Variants in RTN4RL1 observed in about 807,000 individuals in gnomAD.
The protein encoded by RTN4RL1 is reticulon 4 receptor like 1, also known as reticulon-4 receptor-like 1.
In RTN4RL1, 7 loss-of-function variants were observed where a neutral mutation model predicts 25.6. The observed-to-expected ratio is 0.27, with a 90% CI of 0.16 to 0.51. RTN4RL1 has a LOEUF of 0.51. RTN4RL1 is among the 20% of genes least tolerant of loss of function. RTN4RL1 has a pLI of 0.97. For missense variants in RTN4RL1, 500 were observed against 615.6 expected (o/e 0.81, Z 1.99); for synonymous variants, 297 against 288.2 (o/e 1.03, Z -0.31).
intron 1 of RTN4RL1, among the ~76,000 whole-genome samples, chr17:1,957,627 G>T (rs1430364598): frequency 3.3e-5 from 5 of 151,950 alleles, no homozygotes; most frequent in Middle Eastern, 6.4e-3. Context: ...GATCACCTGA[G>T]GTCAGGAGAT....
At chr17:1,972,542 T>C (rs2066825064) in intron 1 of RTN4RL1, among the ~76,000 whole-genome samples, 1 of 152,118 alleles carries the variant, frequency 6.6e-6, no homozygotes, top group African/African-American at 2.4e-5. Context: ...GCCCCTCCCC[T>C]GCAACGCCCT....
chr17:2,007,312 A>C (rs2067003867), intron 1 of RTN4RL1, among the ~76,000 whole-genome samples: 1 of 143,736 alleles, frequency 7.0e-6, no homozygotes, highest in Non-Finnish European at 1.5e-5. Context: ...GCTGCACTGC[A>C]GACCTAGGCC....
chr17:1,981,726 C>T (rs982046609), intron 1 of RTN4RL1, among the ~76,000 whole-genome samples: 2 of 152,224 alleles, frequency 1.3e-5, no homozygotes, highest in African/African-American at 4.8e-5. Context: ...CTGCTGTTCT[C>T]CCAGGAAGCT....
chr17:1,997,775 G>A (rs545663285), intron 1 of RTN4RL1, among the ~76,000 whole-genome samples: 3 of 152,340 alleles, frequency 2.0e-5, no homozygotes, highest in African/African-American at 7.2e-5. Context: ...ACTAGGACTC[G>A]GAGGTCAGGC....
At position 1,988,522 on chromosome 17, in the gene RTN4RL1, A is replaced by G. The variant is rs2066896717; in HGVS notation, c.13+36331T>C. Among the ~76,000 whole-genome samples, 5 of 85,354 alleles carry G rather than the reference A, an allele frequency of 5.9e-5. No homozygotes were observed. In the Admixed American group the frequency reaches 6.2e-4, roughly 11 times the overall value. 56.0% of individuals were successfully genotyped at this position (85,354 alleles called of 152,430 possible). On this transcript the variant is annotated intron_variant, in intron 1 of 1. Coordinates refer to ENST00000331238, the MANE Select transcript of RTN4RL1 (RefSeq NM_178568.4). Reference sequence around the variant, plus strand: ...ACTCTGTCTCAAAAAAAAAAAAAAAAGAAAAGAAAAGAAAAAGAAAGAATT... The same window carrying G: ...ACTCTGTCTCAAAAAAAAAAAAAAAGGAAAAGAAAAGAAAAAGAAAGAATT...
Position 1,961,773 on chromosome 17 carries a change from CAAAAAAAAAA to C in RTN4RL1, c.14-23975_14-23966del, listed in dbSNP as rs1163170575. The stretch of plus-strand genomic sequence containing the variant: ...TGAAACCCTGTCTCCACTAAAAATA[CAAAAAAAAAA>C]AAAAAAAAAAAAAAATTAGCAGGGC... On this transcript the variant is annotated intron_variant, in intron 1 of 1. Coordinates refer to ENST00000331238, the MANE Select transcript of RTN4RL1 (RefSeq NM_178568.4). Among the ~76,000 whole-genome samples, 15 of 55,596 alleles carry C rather than the reference CAAAAAAAAAA, an allele frequency of 2.7e-4. No individual in the cohort carries two copies. In the South Asian group the frequency reaches 3.5e-3, roughly 13 times the overall value. 36.5% of individuals were successfully genotyped at this position (55,596 alleles called of 152,430 possible). A position where few individuals can be genotyped will look rare whatever the true frequency, so the allele number is the denominator to read the frequency against.
chr17:1,939,224 G>A (rs909437812), intron 1 of RTN4RL1, among the ~76,000 whole-genome samples: 7 of 150,626 alleles, frequency 4.6e-5, no homozygotes, highest in African/African-American at 9.8e-5. Context: ...GTGGTGGCGC[G>A]CACTTGTAGT....
chr17:1,977,990 T>G (rs1452945899), intron 1 of RTN4RL1, among the ~76,000 whole-genome samples: 1 of 146,468 alleles, frequency 6.8e-6, no homozygotes, highest in Non-Finnish European at 1.5e-5. Context: ...TCCCGCATCT[T>G]GCACCCCGGA....
chr17:1,973,483 A>G (rs2066829301), intron 1 of RTN4RL1, among the ~76,000 whole-genome samples: 1 of 148,670 alleles, frequency 6.7e-6, no homozygotes, highest in African/African-American at 2.5e-5. Flanking sequence ...GCGCCATTGC[A>G]CTCCAGCGTG....
chr17:2,002,212 CTCTT>C (rs1352951731), intron 1 of RTN4RL1, among the ~76,000 whole-genome samples: 3 of 151,824 alleles, frequency 2.0e-5, no homozygotes, highest in African/African-American at 4.8e-5. Context: ...TTCCTTCTTT[CTCTT>C]TCTTTCCCTT....
chr17:1,939,315 T>C (rs1301917775), intron 1 of RTN4RL1, among the ~76,000 whole-genome samples: 10 of 151,506 alleles, frequency 6.6e-5, no homozygotes. Context: ...ATCGTGCCAC[T>C]GCACTCCAGC....
chr17:2,010,794 C>T (rs531989777), intron 1 of RTN4RL1, among the ~76,000 whole-genome samples: 1 of 152,140 alleles, frequency 6.6e-6, no homozygotes, highest in Non-Finnish European at 1.5e-5. Context: ...ACTATGTTTC[C>T]CAGACTGGTC....
At chr17:1,943,118 G>A (rs1366013870) in intron 1 of RTN4RL1, among the ~76,000 whole-genome samples, 1 of 152,192 alleles carries the variant, frequency 6.6e-6, no homozygotes, top group African/African-American at 2.4e-5. Flanking sequence ...AGCAGGACAG[G>A]ACCAACCAAG....
In RTN4RL1 at chr17:1,936,825, G is replaced by A; in HGVS notation, c.997C>T (p.His333Tyr). ...RAARKEHHSP[H>Y]GPTRSKGHPH... is the part of the protein sequence containing the mutation. ...TGGCCCTTGCTCCTGGTGGGGCCGT[G>A]GGGTGAGTGGTGTTCCTTGCGGGCG... The change falls in exon 2 of 2, where the codon CAC (histidine) becomes TAC (tyrosine). Residue 333 changes from histidine to tyrosine, a missense_variant. His to Tyr is a moderately conservative substitution (Grantham distance 83). This residue lies in a region of RTN4RL1 where 268 missense variants were observed against 274.5 expected (regional missense o/e 0.98). Coordinates refer to ENST00000331238, the MANE Select transcript of RTN4RL1 (RefSeq NM_178568.4). 1 of 1,583,028 alleles carries A rather than the reference G, an allele frequency of 6.3e-7. No individual in the cohort carries two copies. Among genetic ancestry groups the A allele is most frequent in the Non-Finnish European group, 8.6e-7 (1 of 1,166,212 alleles).
intron 1 of RTN4RL1, among the ~76,000 whole-genome samples, chr17:1,960,384 A>C (rs1915871180): frequency 6.6e-6 from 1 of 152,072 alleles, no homozygotes; most frequent in African/African-American, 2.4e-5. Flanking sequence ...CCATTGCACC[A>C]GAATAAAATG....
At chr17:1,961,539 AG>A (rs1411237582) in intron 1 of RTN4RL1, among the ~76,000 whole-genome samples, 2 of 151,970 alleles carry the variant, frequency 1.3e-5, no homozygotes, top group Non-Finnish European at 2.9e-5. Context: ...TAAGGGACTG[AG>A]AGGAAAGAAA....
At chr17:2,021,043 G>C (rs1375721371) in intron 1 of RTN4RL1, among the ~76,000 whole-genome samples, 1 of 152,202 alleles carries the variant, frequency 6.6e-6, no homozygotes. Flanking sequence ...CCACGAGATG[G>C]AGAAGCAGGG....
chr17:1,959,142 T>G (rs1266277871), intron 1 of RTN4RL1, among the ~76,000 whole-genome samples: 2 of 152,220 alleles, frequency 1.3e-5, no homozygotes, highest in Non-Finnish European at 2.9e-5. Context: ...GCCACTTCCC[T>G]TGATCCTAGG....
chr17:1,964,439 A>C (rs1330310932), intron 1 of RTN4RL1, among the ~76,000 whole-genome samples: 2 of 152,098 alleles, frequency 1.3e-5, no homozygotes, highest in African/African-American at 4.8e-5. Context: ...AAATTTAAAA[A>C]TTAGCCACAC....
Sources: allele counts gnomAD v4.1 joint callset (sites outside exome capture counted in the v4.1 genomes callset), GRCh38; gene constraint gnomAD v4.1.1; regional missense constraint gnomAD v4.1.1; transcripts MANE v1.5; gene names NCBI Gene and HGNC (gene_info 2026-07-23, HGNC 2026-07-21).